AGBL4: variants seen among roughly 807,000 people sequenced by gnomAD.
AGBL4 encodes the protein cytosolic carboxypeptidase 6.
Under a neutral mutation model 66.4 loss-of-function variants are expected in AGBL4, and 58 were observed. That is an observed-to-expected ratio of 0.87 (90% CI 0.71 to 1.09). AGBL4 has a LOEUF of 1.09. AGBL4 is among the 50% of genes least tolerant of loss of function. AGBL4 has a pLI of 0.00. For missense variants in AGBL4, 579 were observed against 631.0 expected (o/e 0.92, Z 0.88); for synonymous variants, 234 against 222.9 (o/e 1.05, Z -0.44).
At chr1:48,982,466 G>A (rs1659855163) in intron 5 of AGBL4, among the ~76,000 whole-genome samples, 1 of 151,898 alleles carries the variant, frequency 6.6e-6, no homozygotes, top group Non-Finnish European at 1.5e-5. Context: ...TTGTCCTTGT[G>A]ATAGTTTGCT....
chr1:48,915,050 T>C (rs1653470143), intron 5 of AGBL4, among the ~76,000 whole-genome samples: 2 of 152,230 alleles, frequency 1.3e-5, no homozygotes, highest in Non-Finnish European at 2.9e-5. Flanking sequence ...AGGAAATCTC[T>C]ATCGTGTTAT....
chr1:49,130,931 A>C (rs1645880342), intron 4 of AGBL4, among the ~76,000 whole-genome samples: 1 of 152,152 alleles, frequency 6.6e-6, no homozygotes, highest in Non-Finnish European at 1.5e-5. Context: ...AAAAAAGGGA[A>C]ATAAAATTGT....
rs543174786 is a variant in AGBL4 at position 49,556,750 on chromosome 1, G to A, written c.282+140563C>T. On this transcript the variant is annotated intron_variant, in intron 3 of 13. Transcript: ENST00000371839. ...GGCCGTCCATGGGACCTGGGGCCTC[G>A]GAGCAGGGGGCGAGGTCCGTCGGGA... Among the ~76,000 whole-genome samples, 39 of 152,114 alleles carry A rather than the reference G, an allele frequency of 2.6e-4. No homozygotes were observed. In the South Asian group the frequency reaches 4.2e-3, roughly 16 times the overall value.
intron 2 of AGBL4, among the ~76,000 whole-genome samples, chr1:49,754,516 T>C (rs1281448766): frequency 3.3e-5 from 5 of 152,116 alleles, no homozygotes; most frequent in Non-Finnish European, 7.4e-5. Flanking sequence ...ATGTCACCAG[T>C]GCAGCCTGTG....
At chr1:49,302,530 C>T (rs1007298096) in intron 3 of AGBL4, among the ~76,000 whole-genome samples, 3 of 151,600 alleles carry the variant, frequency 2.0e-5, no homozygotes, top group Admixed American at 6.6e-5. Flanking sequence ...GCTGGGATTA[C>T]AGGCATAAGC....
chr1:49,970,783 A>G (rs983596897), intron 1 of AGBL4, among the ~76,000 whole-genome samples: 1 of 150,898 alleles, frequency 6.6e-6, no homozygotes, highest in Non-Finnish European at 1.5e-5. Flanking sequence ...ACGGTGCCCA[A>G]CATCATAAAT....
intron 5 of AGBL4, among the ~76,000 whole-genome samples, chr1:48,924,103 C>A (rs1420762268): frequency 3.3e-5 from 5 of 152,062 alleles, no homozygotes; most frequent in African/African-American, 1.2e-4. Context: ...CTTGTAAAAA[C>A]TATAGCTTTA....
intron 6 of AGBL4, among the ~76,000 whole-genome samples, chr1:48,744,428 T>A (rs149693477): frequency 1.6e-4 from 24 of 152,292 alleles, no homozygotes; most frequent in Non-Finnish European, 2.6e-4. Context: ...AAAAGGTAAT[T>A]ACTTATATTT....
At chr1:49,530,274 A>AAAAAAAAAAAAAAAAAAAAAAAAAAAC (rs1553221141) in intron 3 of AGBL4, among the ~76,000 whole-genome samples, 5 of 134,824 alleles carry the variant, frequency 3.7e-5, no homozygotes, top group African/African-American at 1.6e-4. Context: ...AAAAAAAAAC[A>AAAAAAAAAAAAAAAAAAAAAAAAAAAC]AAAAAAAACT....
chr1:49,712,006 AC>A (rs1292156957), intron 2 of AGBL4, among the ~76,000 whole-genome samples: 3 of 152,022 alleles, frequency 2.0e-5, no homozygotes, highest in Non-Finnish European at 2.9e-5. Context: ...GGATGATAGT[AC>A]TTTTTTCACA....
At chr1:49,841,446 T>C (rs908096465) in intron 2 of AGBL4, among the ~76,000 whole-genome samples, 3 of 152,154 alleles carry the variant, frequency 2.0e-5, no homozygotes, top group African/African-American at 7.2e-5. Context: ...TTCAATGTTA[T>C]TTCAACCAAA....
At chr1:49,420,191 C>G (rs528575238) in intron 3 of AGBL4, among the ~76,000 whole-genome samples, 1 of 152,100 alleles carries the variant, frequency 6.6e-6, no homozygotes, top group Non-Finnish European at 1.5e-5. Context: ...AAAAATCTCT[C>G]GGGATTGAAA....
At chr1:49,910,211 A>G (rs1271260020) in intron 1 of AGBL4, among the ~76,000 whole-genome samples, 2 of 152,236 alleles carry the variant, frequency 1.3e-5, no homozygotes, top group South Asian at 2.1e-4. Context: ...AACAACAACA[A>G]CAATGAGTTA....
intron 2 of AGBL4, among the ~76,000 whole-genome samples, chr1:49,750,093 C>A (rs1265217508): frequency 1.3e-5 from 2 of 152,092 alleles, no homozygotes; most frequent in African/African-American, 4.8e-5. Flanking sequence ...TTAATCCTTA[C>A]TGAAAACCAT....
chr1:49,991,055 C>T (rs889460727), intron 1 of AGBL4, among the ~76,000 whole-genome samples: 1 of 152,068 alleles, frequency 6.6e-6, no homozygotes, highest in Non-Finnish European at 1.5e-5. Context: ...AAAGCAAGCT[C>T]TCAATAAATG....
intron 6 of AGBL4, among the ~76,000 whole-genome samples, chr1:48,705,851 A>T (rs1472662475): frequency 9.8e-6 from 1 of 101,964 alleles, no homozygotes; most frequent in Non-Finnish European, 2.8e-5. Flanking sequence ...TTTATATTGA[A>T]GATTGAACAG....
intron 5 of AGBL4, among the ~76,000 whole-genome samples, chr1:48,973,802 T>G (rs551034031): frequency 2.0e-5 from 3 of 152,186 alleles, no homozygotes; most frequent in African/African-American, 7.2e-5. Flanking sequence ...TGCTGCATCC[T>G]AGGAACTGTC....
At chr1:49,934,896 C>T (rs552202121) in intron 1 of AGBL4, among the ~76,000 whole-genome samples, 4 of 152,100 alleles carry the variant, frequency 2.6e-5, no homozygotes, top group Non-Finnish European at 4.4e-5. Flanking sequence ...CAGCTCCCAA[C>T]GTGAGCGATA....
At chr1:49,778,660 T>G (rs902971391) in intron 2 of AGBL4, among the ~76,000 whole-genome samples, 3 of 152,120 alleles carry the variant, frequency 2.0e-5, no homozygotes, top group African/African-American at 7.2e-5. Flanking sequence ...CCTCAAAGAT[T>G]GACAATGCCT....
Sources: allele counts gnomAD v4.1 joint callset (sites outside exome capture counted in the v4.1 genomes callset), GRCh38; gene constraint gnomAD v4.1.1; transcripts MANE v1.5; gene names NCBI Gene and HGNC (gene_info 2026-07-23, HGNC 2026-07-21).